The following HELLS variants were observed in gnomAD, a reference collection of about 807,000 sequenced individuals.
The protein encoded by HELLS is helicase, lymphoid specific.
In HELLS, 32 loss-of-function variants were observed where a neutral mutation model predicts 120.0. The observed-to-expected ratio is 0.27, with a 90% confidence interval of 0.20 to 0.36. HELLS has a LOEUF of 0.36. Ranked by LOEUF, HELLS falls within the 10% of genes least tolerant of loss-of-function variation. The pLI, the probability that HELLS is intolerant of heterozygous loss-of-function variation, is 1.00. For synonymous variants in HELLS, 341 were observed against 323.4 expected (o/e 1.05, Z -0.58); for missense variants, 650 against 993.4 (o/e 0.65, Z 4.65).
At chr10:94,566,649 CTTTTCTTTTTT>C (rs1029082495) in intron 6 of HELLS, among the ~76,000 whole-genome samples, 3 of 150,430 alleles carry the variant, frequency 2.0e-5, no homozygotes, top group African/African-American at 7.3e-5. Context: ...CTTTCTTTTT[CTTTTCTTTTTT>C]TTTTTTTAAG....
chr10:94,579,071 G>T (rs1340155244), intron 10 of HELLS, among the ~76,000 whole-genome samples: 2 of 152,084 alleles, frequency 1.3e-5, no homozygotes, highest in Non-Finnish European at 2.9e-5. Context: ...TCTGTGACCT[G>T]GGGGTTGGGG....
At chr10:94,597,170 G>A (rs1845779335) in intron 21 of HELLS, 59 bp downstream of exon 21, 1 of 939,338 alleles carries the variant, frequency 1.1e-6, no homozygotes, top group Non-Finnish European at 1.7e-6. Flanking sequence ...TTAGCATAAT[G>A]TAATGAACCC....
exon 10 of HELLS, chr10:94,609,995 T>G (rs2134146204): frequency 1.3e-5 from 2 of 152,292 alleles, no homozygotes; most frequent in African/African-American, 4.8e-5. Flanking sequence ...GAGATTAAAT[T>G]CATCATTGAT....
chr10:94,558,919 C>T (rs974065805), intron 4 of HELLS, among the ~76,000 whole-genome samples: 2 of 152,056 alleles, frequency 1.3e-5, no homozygotes, highest in Admixed American at 6.6e-5. Context: ...CTTACTCTCA[C>T]AACAGTTCTT....
chr10:94,558,355 C>T (rs1277956828), intron 4 of HELLS, among the ~76,000 whole-genome samples, 160 bp downstream of exon 4: 1 of 152,158 alleles, frequency 6.6e-6, no homozygotes, highest in Non-Finnish European at 1.5e-5. Flanking sequence ...ATCTGTTCCT[C>T]ACTATTTAAG....
intron 9 of HELLS, among the ~76,000 whole-genome samples, chr10:94,608,353 C>T (rs1410027934): frequency 6.6e-6 from 1 of 152,160 alleles, no homozygotes; most frequent in African/African-American, 2.4e-5. Context: ...GTCACTGTAT[C>T]TTTTATGTCT....
At chr10:94,559,890 A>G (rs1033435919) in intron 4 of HELLS, among the ~76,000 whole-genome samples, 3 of 152,228 alleles carry the variant, frequency 2.0e-5, no homozygotes, top group African/African-American at 7.2e-5. Flanking sequence ...CCTAGGGGCA[A>G]TAAGTCAATA....
At chr10:94,601,504 C>A in intron 21 of HELLS, 24 bp from the exon 22 acceptor site, 2 of 1,141,896 alleles carry the variant, frequency 1.8e-6, no homozygotes, top group South Asian at 1.3e-5. Context: ...CTAAAATGTA[C>A]CTGTTTTAAT....
intron 12 of HELLS, among the ~76,000 whole-genome samples, chr10:94,587,080 G>A (rs1301291294): frequency 6.6e-6 from 1 of 152,048 alleles, no homozygotes; most frequent in Non-Finnish European, 1.5e-5. Context: ...TGTTGCTTCT[G>A]TGTTCTCTTT....
chr10:94,581,823 T>G (rs1844884199), intron 11 of HELLS, among the ~76,000 whole-genome samples: 1 of 152,208 alleles, frequency 6.6e-6, no homozygotes. Flanking sequence ...TCTTACTATA[T>G]CCTCATTAAA....
chr10:94,582,064 T>C (rs1307149545), intron 11 of HELLS, among the ~76,000 whole-genome samples: 1 of 152,146 alleles, frequency 6.6e-6, no homozygotes, highest in South Asian at 2.1e-4. Context: ...AGCTTCAGAA[T>C]GGAGGAGGAG....
chr10:94,588,190 T>A (rs747425423), intron 12 of HELLS, 39 bp from the exon 13 acceptor site: 1 of 1,277,288 alleles, frequency 7.8e-7, no homozygotes, highest in East Asian at 2.4e-5. Flanking sequence ...AACAAGAATG[T>A]TTAATACTCA....
intron 9 of HELLS, among the ~76,000 whole-genome samples, chr10:94,608,770 A>T (rs1018529273): frequency 6.6e-6 from 1 of 151,950 alleles, no homozygotes; most frequent in African/African-American, 2.4e-5. Flanking sequence ...AACGTGTGCC[A>T]GTACTCCTGG....
chr10:94,610,495 C>T (rs1237575176), exon 10 of HELLS: 1 of 151,856 alleles, frequency 6.6e-6, no homozygotes, highest in Non-Finnish European at 1.5e-5. Flanking sequence ...TTCCCTATAC[C>T]TGTATGCATT....
chr10:94,601,581 T>G lies in HELLS; in HGVS notation c.2476T>G (p.Leu826Val), dbSNP rs141792389. The G allele has an allele frequency of 4.4e-6, 7 of 1,589,480 alleles. No individual in the cohort carries two copies. The African/African-American group carries it at 9.4e-5, about 21-fold the overall frequency. Reference protein sequence around the residue: ...IKEKMGIFKILENSEDSSPEC... With the variant: ...IKEKMGIFKIVENSEDSSPEC... Reference sequence around the variant, plus strand: ...AGAGAAGATGGGGATATTCAAGATATTAGAAAATTCTGAAGATTCCAGTCC... The same window carrying G: ...AGAGAAGATGGGGATATTCAAGATAGTAGAAAATTCTGAAGATTCCAGTCC... Residue 826 changes from leucine (L) to valine (V), a missense_variant, in exon 22 of 22, where the codon TTA becomes GTA. This residue lies in a region of HELLS where 90 missense variants were observed against 109.2 expected (regional missense o/e 0.82). Coordinates refer to ENST00000348459, the MANE Select transcript of HELLS (RefSeq NM_018063.5).
At chr10:94,546,901 C>T (rs146663044) in intron 2 of HELLS, among the ~76,000 whole-genome samples, 26 of 152,258 alleles carry the variant, frequency 1.7e-4, no homozygotes, top group African/African-American at 6.3e-4. Context: ...AGACTGAGGG[C>T]AGGAGAAGTT....
intron 4 of HELLS, among the ~76,000 whole-genome samples, chr10:94,561,372 T>A (rs1188739700): frequency 6.6e-6 from 1 of 152,242 alleles, no homozygotes; most frequent in Non-Finnish European, 1.5e-5. Context: ...AACCTGTTAA[T>A]TTAATATATC....
intron 6 of HELLS, chr10:94,569,657 A>G (rs1274135775): frequency 1.3e-5 from 2 of 151,994 alleles, no homozygotes; most frequent in Non-Finnish European, 2.9e-5. Context: ...CATAGTGACT[A>G]CACCTCAAAC....
intron 7 of HELLS, among the ~76,000 whole-genome samples, chr10:94,572,872 G>T (rs1589729434): frequency 6.6e-6 from 1 of 152,300 alleles, no homozygotes; most frequent in East Asian, 1.9e-4. Context: ...GATGAGAAAT[G>T]GTAACTTGTG....
Sources: gnomAD v4.1 joint callset for allele counts (sites outside exome capture counted in the v4.1 genomes callset) on GRCh38, gnomAD v4.1.1 for gene constraint, gnomAD v4.1.1 regional missense constraint, MANE v1.5 for transcripts, NCBI Gene and HGNC (gene_info 2026-07-23, HGNC 2026-07-21) for gene names.